The following LAMA2 variants were observed in gnomAD, a reference collection of about 807,000 sequenced individuals.
LAMA2 encodes the protein laminin subunit alpha-2.
In LAMA2, 269 loss-of-function variants were observed where a neutral mutation model predicts 364.8. The ratio of observed to expected loss-of-function variants is 0.74; its 90% CI spans 0.67 to 0.82. The LOEUF (loss-of-function observed/expected upper bound fraction) is 0.82, where lower values mean the gene tolerates loss of function less well. Ranked by LOEUF, LAMA2 falls within the 40% of genes least tolerant of loss-of-function variation. The pLI is 0.00. For synonymous variants in LAMA2, 1,379 were observed against 1,370.6 expected (o/e 1.01, Z -0.14); for missense variants, 3,807 against 3,873.2 (o/e 0.98, Z 0.45).
rs979518532 is a variant in LAMA2 at position 128,926,346 on chromosome 6, T to C, written c.112+42989T>C. ...CGTTTAGGCCTCTGTTCTTTAGATATGGTCATTTTACCGCTTCAAGGATCA... is the reference window on the plus strand; with the variant it reads ...CGTTTAGGCCTCTGTTCTTTAGATACGGTCATTTTACCGCTTCAAGGATCA... On this transcript the variant is annotated intron_variant, in intron 1 of 64. Transcript: ENST00000421865. Among the ~76,000 whole-genome samples, 78 of 152,162 alleles carry C rather than the reference T, an allele frequency of 5.1e-4. 2 individuals carry two copies. Among genetic ancestry groups the C allele is most frequent in the Non-Finnish European group, 1.5e-5 (1 of 68,034 alleles).
chr6:129,455,479 A>C (rs996267615), intron 47 of LAMA2, among the ~76,000 whole-genome samples: 2 of 152,186 alleles, frequency 1.3e-5, no homozygotes, highest in African/African-American at 2.4e-5. Context: ...TATTTGATAA[A>C]TTCATTCTTT....
Position 129,353,199 on chromosome 6 carries a change from C to T in LAMA2, c.4559C>T (p.Pro1520Leu). Residue 1520 changes from proline to leucine, a missense_variant, in exon 32 of 65, where the codon CCT (proline) becomes CTT (leucine). Transcript: ENST00000421865. ...APGYTGSPGN[P>L]GGSCQECECD... ...GGCTATACTGGCAGTCCAGGCAACC[C>T]TGGAGGCTCCTGCCAAGAATGTGAG... is the stretch of plus-strand genomic sequence containing the variant. 1 of 1,614,052 alleles carries T rather than the reference C, an allele frequency of 6.2e-7. No homozygotes were observed. Among genetic ancestry groups the T allele is most frequent in the South Asian group, 1.1e-5 (1 of 91,070 alleles).
At chr6:128,995,844 C>G (rs1418658386) in intron 1 of LAMA2, among the ~76,000 whole-genome samples, 1 of 152,138 alleles carries the variant, frequency 6.6e-6, no homozygotes, top group African/African-American at 2.4e-5. Context: ...TTGACATATA[C>G]TGATTTTTTG....
chr6:129,186,213 GA>G lies in LAMA2; in HGVS notation c.1468-3985del, dbSNP rs1322453715. On this transcript the variant is annotated intron_variant, in intron 10 of 64. Coordinates refer to ENST00000421865, the MANE Select transcript of LAMA2 (RefSeq NM_000426.4). ...ATTGAAGTATAGATAAACAAAAAAA[GA>G]AAAAAATTAATTATATGTTAATAAC... Among the ~76,000 whole-genome samples, 9 of 151,250 alleles carry G rather than the reference GA, an allele frequency of 6.0e-5. 1 individual carries two copies. In the South Asian group the frequency reaches 1.5e-3, roughly 25 times the overall value.
intron 1 of LAMA2, among the ~76,000 whole-genome samples, chr6:128,952,528 CA>C (rs991540862): frequency 6.6e-6 from 1 of 151,324 alleles, no homozygotes. Flanking sequence ...TTCTTGAATT[CA>C]AAAAAAATTA....
At chr6:129,224,268 A>G (rs1784081257) in intron 12 of LAMA2, among the ~76,000 whole-genome samples, 1 of 152,184 alleles carries the variant, frequency 6.6e-6, no homozygotes, top group Admixed American at 6.5e-5. Context: ...GGTTTTCTAA[A>G]TATACAATTA....
intron 32 of LAMA2, among the ~76,000 whole-genome samples, chr6:129,358,316 C>T (rs2114603844): frequency 6.6e-6 from 1 of 152,078 alleles, no homozygotes; most frequent in East Asian, 1.9e-4. Flanking sequence ...GGAAGCTGTT[C>T]TGCTAGCTGA....
intron 12 of LAMA2, among the ~76,000 whole-genome samples, chr6:129,195,450 T>C (rs1311712114): frequency 6.6e-6 from 1 of 152,214 alleles, no homozygotes; most frequent in Non-Finnish European, 1.5e-5. Context: ...TAATGAAGTA[T>C]AAGTAAGTGA....
rs1233253862 is a variant in LAMA2 at position 128,985,545 on chromosome 6, C to G, written c.113-64373C>G. Among the ~76,000 whole-genome samples, 8 of 152,078 alleles carry G rather than the reference C, an allele frequency of 5.3e-5. No individual in the cohort carries two copies. The East Asian group carries it at 1.4e-3, about 26-fold the overall frequency. On this transcript the variant is annotated intron_variant, in intron 1 of 64. Transcript: ENST00000421865. ...TTCAGTTTAGAGCCTGCTTAAAAAT[C>G]TGACATTGATCTTCCAATGCCTTAA... is the stretch of plus-strand genomic sequence containing the variant.
At chr6:129,467,833 C>T (rs922646964) in intron 51 of LAMA2, among the ~76,000 whole-genome samples, 1 of 151,870 alleles carries the variant, frequency 6.6e-6, no homozygotes, top group African/African-American at 2.4e-5. Flanking sequence ...TTTAGGTTTA[C>T]TGTAACTACA....
chr6:129,077,756 T>G (rs954035102), intron 3 of LAMA2, among the ~76,000 whole-genome samples: 1 of 152,224 alleles, frequency 6.6e-6, no homozygotes. Context: ...CCTTTCGATA[T>G]GTCAGAAAGA....
At chr6:129,425,421 C>CT (rs1000792269) in intron 40 of LAMA2, among the ~76,000 whole-genome samples, 1 of 151,686 alleles carries the variant, frequency 6.6e-6, no homozygotes, top group African/African-American at 2.4e-5. Flanking sequence ...ATTCTTTTTA[C>CT]TTTTTTTTAA....
At position 129,068,033 on chromosome 6, in the gene LAMA2, A is replaced by AT. The variant is rs537196949; in HGVS notation, c.396+8144dup. Among the ~76,000 whole-genome samples the AT allele has an allele frequency of 7.2e-5, 11 of 152,198 alleles. No individual in the cohort carries two copies. The South Asian group carries it at 8.3e-4, about 11-fold the overall frequency. Reference sequence around the variant, plus strand: ...TTGAATATTTATCTTTCTAAATGCAATTTTTTTGTGCGTGGAGCTATTTGT... The same window carrying AT: ...TTGAATATTTATCTTTCTAAATGCAATTTTTTTTGTGCGTGGAGCTATTTGT... On this transcript the variant is annotated intron_variant, in intron 3 of 64. Transcript: ENST00000421865.
chr6:129,452,594 C>T (rs1010327305), intron 45 of LAMA2, among the ~76,000 whole-genome samples: 3 of 152,062 alleles, frequency 2.0e-5, no homozygotes, highest in Non-Finnish European at 2.9e-5. Flanking sequence ...ATACCAAAAC[C>T]GCTGAAATTT....
intron 10 of LAMA2, among the ~76,000 whole-genome samples, chr6:129,182,768 A>G (rs1392102390): frequency 6.6e-6 from 1 of 151,820 alleles, no homozygotes; most frequent in African/African-American, 2.4e-5. Flanking sequence ...ATAAAACAGA[A>G]GTGAAATGAG....
intron 18 of LAMA2, among the ~76,000 whole-genome samples, chr6:129,286,859 T>A (rs1276605306): frequency 6.2e-5 from 1 of 16,220 alleles, no homozygotes; most frequent in Non-Finnish European, 1.4e-4. Flanking sequence ...ATATAATATA[T>A]AATAATATAT....
chr6:129,158,908 A>G, intron 8 of LAMA2: 1 of 1,607,156 alleles, frequency 6.2e-7, no homozygotes, highest in Non-Finnish European at 8.5e-7. Flanking sequence ...TGTTATTAAT[A>G]GCATCATCTG....
At chr6:128,952,797 A>G (rs1321818687) in intron 1 of LAMA2, among the ~76,000 whole-genome samples, 1 of 152,154 alleles carries the variant, frequency 6.6e-6, no homozygotes, top group Non-Finnish European at 1.5e-5. Context: ...ATCCAAATTG[A>G]GCATCTATTG....
At chr6:129,160,181 T>C (rs775032273) in intron 8 of LAMA2, among the ~76,000 whole-genome samples, 10 of 152,182 alleles carry the variant, frequency 6.6e-5, no homozygotes, top group Non-Finnish European at 1.2e-4. Context: ...ATTAATTCTC[T>C]TTAAAATGCT....
Sources: gnomAD v4.1 joint callset for allele counts (sites outside exome capture counted in the v4.1 genomes callset) on GRCh38, gnomAD v4.1.1 for gene constraint, MANE v1.5 for transcripts, NCBI Gene and HGNC (gene_info 2026-07-23, HGNC 2026-07-21) for gene names.